GPC6: variants seen among roughly 807,000 people sequenced by gnomAD.
The protein encoded by GPC6 is glypican-6.
A neutral mutation model predicts 55.2 loss-of-function variants in GPC6; 14 were observed. That is an observed-to-expected ratio of 0.25 (90% CI 0.17 to 0.40). GPC6 has a LOEUF of 0.40. Among genes scored for constraint, GPC6 ranks in the 10% least tolerant of loss-of-function variants. GPC6 has a pLI of 1.00. For synonymous variants in GPC6, 278 were observed against 259.6 expected, an observed-to-expected ratio of 1.07 and a Z score of -0.68; for missense variants, 641 against 708.5, an observed-to-expected ratio of 0.90 and a Z score of 1.08.
At chr13:94,002,708 T>C (rs533572007) in intron 3 of GPC6, among the ~76,000 whole-genome samples, 25 of 152,278 alleles carry the variant, frequency 1.6e-4, no homozygotes, top group Admixed American at 7.8e-4. Flanking sequence ...AAACTCCCTG[T>C]CTTGAAATAT....
intron 4 of GPC6, among the ~76,000 whole-genome samples, chr13:94,149,405 G>C (rs1245400382): frequency 6.6e-6 from 1 of 152,108 alleles, no homozygotes; most frequent in Non-Finnish European, 1.5e-5. Flanking sequence ...GACAGAACTT[G>C]GGTCCAAAGC....
intron 1 of GPC6, among the ~76,000 whole-genome samples, chr13:93,531,294 T>A (rs945461924): frequency 1.3e-5 from 2 of 151,332 alleles, no homozygotes; most frequent in East Asian, 3.9e-4. Flanking sequence ...ATATAATATA[T>A]ATGATAGAGG....
At chr13:94,266,658 T>C (rs1891829427) in intron 4 of GPC6, among the ~76,000 whole-genome samples, 1 of 152,182 alleles carries the variant, frequency 6.6e-6, no homozygotes, top group South Asian at 2.1e-4. Context: ...TTAAATGCTC[T>C]TTCTTCAAGA....
intron 4 of GPC6, among the ~76,000 whole-genome samples, chr13:94,276,569 G>T (rs924751448): frequency 1.3e-5 from 2 of 151,806 alleles, no homozygotes; most frequent in African/African-American, 4.8e-5. Context: ...TGCACCTGTT[G>T]ACCCATCCTC....
intron 4 of GPC6, among the ~76,000 whole-genome samples, chr13:94,099,026 C>T (rs1885758881): frequency 6.6e-6 from 1 of 152,028 alleles, no homozygotes; most frequent in African/African-American, 2.4e-5. Context: ...ATTTATCCCA[C>T]AAGTGAGGAG....
intron 1 of GPC6, among the ~76,000 whole-genome samples, chr13:93,534,240 T>C (rs930188540): frequency 1.3e-5 from 2 of 152,200 alleles, no homozygotes; most frequent in Non-Finnish European, 1.5e-5. Context: ...AGTAGCAATC[T>C]TGCCATCACC....
At chr13:93,217,477 T>C in the GPC6 span, among the ~76,000 whole-genome samples, 1 of 152,346 alleles carries the variant, frequency 6.6e-6, no homozygotes, top group African/African-American at 2.4e-5. Context: ...AATGAAATTC[T>C]GGTTTCTTAC....
intron 3 of GPC6, among the ~76,000 whole-genome samples, chr13:93,956,281 T>C (rs979972305): frequency 6.6e-6 from 1 of 152,112 alleles, no homozygotes; most frequent in African/African-American, 2.4e-5. Context: ...TAGTACATAA[T>C]ACATAATACT....
intron 3 of GPC6, among the ~76,000 whole-genome samples, chr13:93,916,755 T>C: frequency 6.6e-6 from 1 of 152,016 alleles, no homozygotes; most frequent in East Asian, 1.9e-4. Context: ...ACAAGCAGTG[T>C]TGTCTTTTGA....
chr13:94,082,484 T>G (rs61962290), intron 4 of GPC6, among the ~76,000 whole-genome samples: 21,481 of 152,118 alleles, frequency 0.14, 1,954 homozygotes, highest in South Asian at 0.25. Flanking sequence ...AAGGAGAAGG[T>G]CTTCCCCTTT....
chr13:94,286,373 G>A lies in GPC6; in HGVS notation c.902G>A (p.Arg301Gln), dbSNP rs774820740. The A allele has an allele frequency of 5.0e-6, 8 of 1,613,600 alleles. No homozygotes were observed. The highest frequency in any genetic ancestry group is 2.2e-5 in the East Asian group (1 of 44,884). ...GATGCAATGCTCTTGGTGGCAGAGC[G>A]ACTGGAGGGGCCATTCAACATTGAG... ...FIDAMLLVAE[R>Q]LEGPFNIESV... Residue 301 changes from arginine (R) to glutamine (Q), a missense_variant, in exon 5 of 9, where the codon CGA becomes CAA. Physicochemically the swap from Arg to Gln is conservative, Grantham distance 43. Transcript: ENST00000377047.
chr13:93,243,128 C>T (rs1375720510), intron 1 of GPC6, among the ~76,000 whole-genome samples: 1 of 152,180 alleles, frequency 6.6e-6, no homozygotes, highest in Admixed American at 6.5e-5. Context: ...AAAAGCTCTC[C>T]TTGAGTTTGG....
At chr13:94,082,059 T>C (rs963715193) in intron 4 of GPC6, among the ~76,000 whole-genome samples, 1 of 152,098 alleles carries the variant, frequency 6.6e-6, no homozygotes, top group Non-Finnish European at 1.5e-5. Context: ...CAGGCTGTTC[T>C]TGAACTCCTG....
At chr13:94,219,014 A>G (rs569123729) in intron 4 of GPC6, among the ~76,000 whole-genome samples, 1 of 152,314 alleles carries the variant, frequency 6.6e-6, no homozygotes, top group Non-Finnish European at 1.5e-5. Context: ...ATAGATGATA[A>G]ATAGCCTCAT....
intron 1 of GPC6, among the ~76,000 whole-genome samples, chr13:93,242,185 A>G (rs1876456053): frequency 6.6e-6 from 1 of 152,174 alleles, no homozygotes; most frequent in South Asian, 2.1e-4. Context: ...GGTATATGCA[A>G]TACCACAATG....
rs143212173 is a variant in GPC6, at chr13:93,549,441, A to G, written c.319+4020A>G. ...AAATATTCAGCTAGTAGTAGTAGTC[A>G]TAAGAGGCAACATCTGACCCTGTTC... On this transcript the variant is annotated intron_variant, in intron 2 of 8. Transcript: ENST00000377047. 7.4e-3 allele frequency among the ~76,000 whole-genome samples: 1,120 copies of G among 152,320 alleles called. 4 individuals are homozygous for G. Among genetic ancestry groups the G allele is most frequent in the Non-Finnish European group, 0.012 (836 of 68,032 alleles).
At chr13:94,300,644 G>A (rs991194426) in intron 5 of GPC6, among the ~76,000 whole-genome samples, 1 of 152,150 alleles carries the variant, frequency 6.6e-6, no homozygotes, top group Non-Finnish European at 1.5e-5. Context: ...GAATTGCTTT[G>A]TACATCTGTA....
At chr13:93,659,904 ATG>A (rs1296304024) in intron 2 of GPC6, among the ~76,000 whole-genome samples, 1 of 152,018 alleles carries the variant, frequency 6.6e-6, no homozygotes, top group Non-Finnish European at 1.5e-5. Context: ...AAATATATAT[ATG>A]TGTGTGTATA....
At chr13:93,870,552 C>A (rs1157151632) in intron 3 of GPC6, among the ~76,000 whole-genome samples, 3 of 151,764 alleles carry the variant, frequency 2.0e-5, no homozygotes, top group Admixed American at 2.0e-4. Context: ...AATTGTGTAA[C>A]CCCTAAATTC....
Sources: gnomAD v4.1 joint callset for allele counts (sites outside exome capture counted in the v4.1 genomes callset) on GRCh38, gnomAD v4.1.1 for gene constraint, MANE v1.5 for transcripts, NCBI Gene and HGNC (gene_info 2026-07-23, HGNC 2026-07-21) for gene names.